The following WNK1 variants were observed in gnomAD, a reference collection of about 807,000 sequenced individuals.
The protein encoded by WNK1 is serine/threonine-protein kinase WNK1.
WNK1 carries 38 observed loss-of-function variants against 222.8 expected under a neutral mutation model. The ratio of observed to expected loss-of-function variants is 0.17; its 90% confidence interval spans 0.13 to 0.22. The LOEUF (loss-of-function observed/expected upper bound fraction) is 0.22, where lower values mean the gene tolerates loss of function less well. Ranked by LOEUF, WNK1 falls within the 10% of genes least tolerant of loss-of-function variation. The pLI is 1.00. For missense variants in WNK1, 2,348 were observed against 2,918.4 expected (o/e 0.80, Z 4.50); for synonymous variants, 1,090 against 1,092.9 (o/e 1.00, Z 0.05).
At chr12:798,860 G>T (rs930738411) in intron 1 of WNK1, among the ~76,000 whole-genome samples, 3 of 151,768 alleles carry the variant, frequency 2.0e-5, no homozygotes, top group Admixed American at 2.0e-4. Context: ...TTTTGGTTTT[G>T]GAAACTTCTC....
intron 1 of WNK1, among the ~76,000 whole-genome samples, chr12:780,711 A>G (rs1025940653): frequency 5.3e-5 from 8 of 152,338 alleles, no homozygotes; most frequent in African/African-American, 1.9e-4. Context: ...TGTGGAGCTT[A>G]TTTTGAGCGT....
chr12:807,069 G>T (rs1043150811), intron 1 of WNK1, among the ~76,000 whole-genome samples: 9 of 152,134 alleles, frequency 5.9e-5, no homozygotes. Flanking sequence ...GAGGGAAAGA[G>T]GGATAGAAAG....
intron 2 of WNK1, among the ~76,000 whole-genome samples, chr12:821,865 A>C (rs1406835811): frequency 6.6e-6 from 1 of 151,970 alleles, no homozygotes; most frequent in Non-Finnish European, 1.5e-5. Flanking sequence ...ATTTACTATT[A>C]GCATAGAATA....
intron 8 of WNK1, among the ~76,000 whole-genome samples, chr12:869,925 G>A (rs1353462449): frequency 1.3e-5 from 2 of 151,756 alleles, no homozygotes; most frequent in Non-Finnish European, 2.9e-5. Context: ...ATGTGTATGA[G>A]CATATACACA....
At chr12:862,035 A>AT (rs1403176393) in intron 7 of WNK1, 48 bp from the exon 8 acceptor site, 1 of 1,609,798 alleles carries the variant, frequency 6.2e-7, no homozygotes, top group African/African-American at 1.3e-5. Flanking sequence ...CCATTTTGTG[A>AT]TTTGTCTTTC....
intron 4 of WNK1, among the ~76,000 whole-genome samples, chr12:850,774 A>C (rs1950363613): frequency 6.6e-6 from 1 of 152,202 alleles, no homozygotes; most frequent in South Asian, 2.1e-4. Flanking sequence ...ATCCAGTTTC[A>C]GCTTTCTACA....
intron 26 of WNK1, among the ~76,000 whole-genome samples, chr12:902,569 A>C (rs546653640): frequency 6.6e-6 from 1 of 152,214 alleles, no homozygotes; most frequent in African/African-American, 2.4e-5. Flanking sequence ...TTAGTCTAAT[A>C]AAGATCAAAG....
chr12:882,253 G>A (rs566682997), intron 14 of WNK1, among the ~76,000 whole-genome samples, 180 bp downstream of exon 14: 1 of 152,108 alleles, frequency 6.6e-6, no homozygotes, highest in South Asian at 2.1e-4. Flanking sequence ...CTGGAGTGCA[G>A]TGGCATGATC....
chr12:776,514 T>C (rs963349530), intron 1 of WNK1, among the ~76,000 whole-genome samples: 1 of 149,844 alleles, frequency 6.7e-6, no homozygotes, highest in Non-Finnish European at 1.5e-5. Context: ...CACTGCAACC[T>C]CCACCTCCCA....
In WNK1 at chr12:880,727, C is replaced by A. The variant is rs753149891; in HGVS notation, c.2839C>A (p.Pro947Thr). 18 of 1,613,852 alleles carry A rather than the reference C, an allele frequency of 1.1e-5. No individual in the cohort carries two copies. The African/African-American group carries it at 2.3e-4, about 20-fold the overall frequency. The part of the protein sequence containing the change: ...SSGDVLYQGF[P>T]PRLPPQYPGD... Reference sequence around the variant, plus strand: ...TTCCTCATTTCTGTCACAGGGCTTCCCACCTCGACTGCCACCACAGTACCC... The same window carrying A: ...TTCCTCATTTCTGTCACAGGGCTTCACACCTCGACTGCCACCACAGTACCC... The change falls in exon 12 of 28, where the codon CCA becomes ACA. Residue 947 changes from proline (P) to threonine (T), a missense_variant. Physicochemically the swap from Pro to Thr is conservative, Grantham distance 38. Around this residue, in one of 13 missense-constraint regions of WNK1, gnomAD observed 547 missense variants for 558.3 expected, o/e 0.98. Transcript: ENST00000315939.
At chr12:807,591 C>T (rs1171206408) in intron 1 of WNK1, among the ~76,000 whole-genome samples, 3 of 151,960 alleles carry the variant, frequency 2.0e-5, no homozygotes, top group African/African-American at 7.3e-5. Flanking sequence ...GTTGGTTTCC[C>T]CTTTGGCAAA....
intron 1 of WNK1, among the ~76,000 whole-genome samples, chr12:786,014 C>T (rs1394620079): frequency 2.6e-5 from 4 of 152,078 alleles, no homozygotes; most frequent in Non-Finnish European, 4.4e-5. Flanking sequence ...CAAAGTATAA[C>T]TTATGCTTTA....
chr12:772,645 AT>A (rs147421692), intron 1 of WNK1, among the ~76,000 whole-genome samples: 540 of 151,814 alleles, frequency 3.6e-3, no homozygotes, highest in African/African-American at 0.013. Flanking sequence ...AGTATATATT[AT>A]TTTTTTAATT....
At chr12:828,145 A>T (rs1419564536) in intron 3 of WNK1, among the ~76,000 whole-genome samples, 1 of 146,844 alleles carries the variant, frequency 6.8e-6, no homozygotes, top group African/African-American at 2.5e-5. Flanking sequence ...TAAAAATACA[A>T]AAAAAAAAAA....
chr12:794,111 G>A (rs1945090828), intron 1 of WNK1, among the ~76,000 whole-genome samples: 1 of 152,106 alleles, frequency 6.6e-6, no homozygotes, highest in African/African-American at 2.4e-5. Flanking sequence ...TTATGGTTGA[G>A]TAATTAATAT....
At chr12:771,681 C>T (rs955353825) in intron 1 of WNK1, among the ~76,000 whole-genome samples, 7 of 152,100 alleles carry the variant, frequency 4.6e-5, no homozygotes, top group South Asian at 2.1e-4. Context: ...GTGATCTGCC[C>T]GCCTCGGCCT....
At chr12:900,343 C>G in intron 25 of WNK1, 133 bp from the exon 26 acceptor site, 1 of 933,064 alleles carries the variant, frequency 1.1e-6, no homozygotes. Context: ...GGACTTTGTT[C>G]TTCTCATCAG....
intron 1 of WNK1, among the ~76,000 whole-genome samples, chr12:806,254 A>G (rs1946357661): frequency 6.6e-6 from 1 of 152,230 alleles, no homozygotes; most frequent in Non-Finnish European, 1.5e-5. Flanking sequence ...AGTGCAAAAG[A>G]AGAAATAAGC....
At chr12:838,666 T>C (rs1283498219) in intron 4 of WNK1, among the ~76,000 whole-genome samples, 1 of 152,148 alleles carries the variant, frequency 6.6e-6, no homozygotes, top group Non-Finnish European at 1.5e-5. Flanking sequence ...TCTGCCTGCT[T>C]TGGCCTTCCA....
Sources: gnomAD v4.1 joint callset for allele counts (sites outside exome capture counted in the v4.1 genomes callset) on GRCh38, gnomAD v4.1.1 for gene constraint, gnomAD v4.1.1 regional missense constraint, MANE v1.5 for transcripts, NCBI Gene and HGNC (gene_info 2026-07-23, HGNC 2026-07-21) for gene names.